NTRK3: variants seen among roughly 807,000 people sequenced by gnomAD.
The protein encoded by NTRK3 is NT-3 growth factor receptor.
Under a neutral mutation model 91.7 loss-of-function variants are expected in NTRK3, and 24 were observed. The ratio of observed to expected loss-of-function variants is 0.26; its 90% CI spans 0.19 to 0.37. The LOEUF is 0.37. Among genes scored for constraint, NTRK3 ranks in the 10% least tolerant of loss-of-function variants. NTRK3 has a pLI of 1.00. For missense variants in NTRK3, 880 were observed against 1,068.9 expected (o/e 0.82, Z 2.46); for synonymous variants, 483 against 404.0 (o/e 1.20, Z -2.34).
intron 14 of NTRK3, among the ~76,000 whole-genome samples, chr15:88,029,686 C>T (rs973439326): frequency 2.0e-5 from 3 of 152,198 alleles, no homozygotes; most frequent in Non-Finnish European, 2.9e-5. Flanking sequence ...CTGGTTCTTG[C>T]CATCCCCCTA....
rs749064839 is a variant in NTRK3 at position 88,095,835 on chromosome 15, G to A, written c.1396+30436C>T. On this transcript the variant is annotated intron_variant, in intron 13 of 18. Coordinates refer to ENST00000394480, the Ensembl canonical transcript of NTRK3. ...GTACAGAAAGGTCCCATGTACCTAT[G>A]CCCCAGCTTATCTGAGTGGTAACAT... is the stretch of plus-strand genomic sequence containing the variant. Among the ~76,000 whole-genome samples, 3 of 152,102 alleles carry A rather than the reference G, an allele frequency of 2.0e-5. No individual in the cohort carries two copies. The East Asian group carries it at 5.8e-4, about 29-fold the overall frequency.
At chr15:88,034,803 C>G (rs571681655) in intron 13 of NTRK3, among the ~76,000 whole-genome samples, 11 of 152,206 alleles carry the variant, frequency 7.2e-5, no homozygotes, top group East Asian at 1.9e-4. Context: ...GTTTGGAGAC[C>G]GTATGGAAAA....
At position 88,255,968 on chromosome 15, in the gene NTRK3, T is replaced by G. The variant is rs2054019397; in HGVS notation, c.186A>C (p.Ser62=). 6.2e-7 allele frequency: 1 copy of G among 1,613,046 alleles called. No homozygotes were observed. Among genetic ancestry groups the G allele is most frequent in the South Asian group, 1.1e-5 (1 of 91,058 alleles). The stretch of plus-strand genomic sequence containing the variant: ...TACTGGCGTTCCCATTGCTGTTCCC[T>G]GAATCCTGCCCTTCCAGGAGGGGGA... The change falls in exon 3 of 19, where the codon TCA becomes TCC. Residue 62 remains serine (S), a synonymous_variant. Transcript: ENST00000394480. The surrounding 1 kb of genome is among the most constrained non-coding windows in gnomAD (Gnocchi z 4.3).
At chr15:88,178,474 C>A (rs1424325909) in intron 5 of NTRK3, among the ~76,000 whole-genome samples, 1 of 152,180 alleles carries the variant, frequency 6.6e-6, no homozygotes, top group African/African-American at 2.4e-5. Context: ...ATGCTCAAAT[C>A]AGGACATTCT....
chr15:87,889,182 T>C (rs1024915641), intron 17 of NTRK3, among the ~76,000 whole-genome samples: 2 of 152,104 alleles, frequency 1.3e-5, no homozygotes, highest in African/African-American at 4.8e-5. Context: ...TTAAGCCTGT[T>C]TTCTGGTGTG....
At chr15:87,913,712 G>A (rs2067253801) in intron 17 of NTRK3, among the ~76,000 whole-genome samples, 1 of 152,188 alleles carries the variant, frequency 6.6e-6, no homozygotes, top group Non-Finnish European at 1.5e-5. Flanking sequence ...GAAGCATTAG[G>A]GGCTGTAATA....
intron 17 of NTRK3, chr15:87,908,657 C>T: frequency 2.5e-6 from 1 of 398,384 alleles, no homozygotes; most frequent in Non-Finnish European, 4.4e-6. Context: ...AAAGGAGGAG[C>T]ATGAGGAAAG....
At chr15:88,126,231 TCCC>T (rs748171578) in intron 13 of NTRK3, 37 bp downstream of exon 13, 1 of 1,387,558 alleles carries the variant, frequency 7.2e-7, no homozygotes. Context: ...CAGTAATGTT[TCCC>T]CCCATGACGC....
chr15:87,927,197 A>G (rs2068389579), intron 17 of NTRK3: 1 of 152,212 alleles, frequency 6.6e-6, no homozygotes, highest in African/African-American at 2.4e-5. Flanking sequence ...CTTGCTGTGG[A>G]CACTGTATGC....
chr15:87,934,590 G>T (rs3784435), intron 15 of NTRK3, among the ~76,000 whole-genome samples: 3,297 of 152,016 alleles, frequency 0.022, 82 homozygotes, highest in African/African-American at 0.055. Flanking sequence ...AGGTGTATCT[G>T]GGGGGGTCCA....
At chr15:88,008,483 A>T (rs530343990) in intron 14 of NTRK3, among the ~76,000 whole-genome samples, 3 of 152,100 alleles carry the variant, frequency 2.0e-5, no homozygotes, top group African/African-American at 7.2e-5. Flanking sequence ...TCTTGGACAC[A>T]GTGGTCCAAG....
rs1352202477 is a variant in NTRK3 at position 87,977,559 on chromosome 15, C to T, written c.1586-36806G>A. 2.6e-5 allele frequency: 6 copies of T among 230,364 alleles called. No homozygotes were observed. The East Asian group carries it at 3.7e-4, about 14-fold the overall frequency. The allele number at this position is 230,364 out of a possible 1,614,324, so 14.3% of individuals were successfully genotyped here. A position where few individuals can be genotyped will look rare whatever the true frequency, so the allele number is the denominator to read the frequency against. ...ATAATTAAAAAACATCATCCTCAAG[C>T]TTACTCCTTAAAGCCACACTTGGGA... On this transcript the variant is annotated intron_variant, in intron 14 of 18. Transcript: ENST00000394480.
intron 3 of NTRK3, among the ~76,000 whole-genome samples, chr15:88,204,325 C>T (rs1454673753): frequency 6.6e-6 from 1 of 152,080 alleles, no homozygotes; most frequent in African/African-American, 2.4e-5. Context: ...TACCTTCTAA[C>T]TTGAAAAATT....
intron 13 of NTRK3, among the ~76,000 whole-genome samples, chr15:88,095,577 C>T (rs1427274420): frequency 6.6e-6 from 1 of 152,178 alleles, no homozygotes; most frequent in Non-Finnish European, 1.5e-5. Flanking sequence ...TGCAGGTCAA[C>T]ATCAAATCTG....
Position 87,952,497 on chromosome 15 carries a change from C to T in NTRK3, c.1586-11744G>A, listed in dbSNP as rs148668792. 1.6e-4 allele frequency among the ~76,000 whole-genome samples: 24 copies of T among 152,200 alleles called. No homozygotes were observed. In the East Asian group the frequency reaches 4.7e-3, roughly 30 times the overall value. ...TGGTGATCAGCCTCTCTGCGAACCC[C>T]CACCTCCTCTCCCTGCCCCGGGGAC... On this transcript the variant is annotated intron_variant, in intron 14 of 18. Coordinates refer to ENST00000394480, the Ensembl canonical transcript of NTRK3.
intron 17 of NTRK3, among the ~76,000 whole-genome samples, chr15:87,923,087 C>G (rs2141854459): frequency 6.6e-6 from 1 of 152,318 alleles, no homozygotes; most frequent in East Asian, 1.9e-4. Flanking sequence ...ATGGCTTGGC[C>G]TATCTTTCCT....
chr15:87,981,024 A>AG (rs1190507138), intron 14 of NTRK3, among the ~76,000 whole-genome samples: 9 of 152,206 alleles, frequency 5.9e-5, no homozygotes, highest in African/African-American at 2.2e-4. Flanking sequence ...GCCCTTACCT[A>AG]GGCCCTATGA....
chr15:88,031,698 T>C (rs1460709293), intron 14 of NTRK3, among the ~76,000 whole-genome samples: 1 of 151,968 alleles, frequency 6.6e-6, no homozygotes, highest in Non-Finnish European at 1.5e-5. Flanking sequence ...GTGGCAATGC[T>C]CTCCTAAAAC....
At chr15:88,179,867 C>T (rs1454076315) in intron 5 of NTRK3, among the ~76,000 whole-genome samples, 6 of 152,164 alleles carry the variant, frequency 3.9e-5, no homozygotes, top group Middle Eastern at 3.2e-3. Context: ...AGAACTTATC[C>T]GAATTTATTC....
Sources: gnomAD v4.1 joint callset for allele counts (sites outside exome capture counted in the v4.1 genomes callset) on GRCh38, gnomAD v4.1.1 for gene constraint, Gnocchi (gnomAD v3.1) non-coding constraint, MANE v1.5 for transcripts, NCBI Gene and HGNC (gene_info 2026-07-23, HGNC 2026-07-21) for gene names.